FTCDNL1: variants seen among roughly 807,000 people sequenced by gnomAD.
FTCDNL1 encodes the protein formiminotransferase cyclodeaminase N-terminal like.
Under a neutral mutation model 5.9 loss-of-function variants are expected in FTCDNL1, and 11 were observed. That is an observed-to-expected ratio of 1.87 (90% confidence interval 1.18 to 3.10). The LOEUF (loss-of-function observed/expected upper bound fraction) is 3.10, where lower values mean the gene tolerates loss of function less well. Among genes scored for constraint, FTCDNL1 ranks in the 30% most tolerant of loss-of-function variants. The pLI, the probability that FTCDNL1 is intolerant of heterozygous loss-of-function variation, is 0.00. For missense variants in FTCDNL1, 115 were observed against 65.5 expected (o/e 1.76, Z -2.61); for synonymous variants, 58 against 24.8 (o/e 2.34, Z -3.99).
the FTCDNL1 span, among the ~76,000 whole-genome samples, chr2:199,684,311 G>A: frequency 1.3e-5 from 2 of 152,174 alleles, no homozygotes; most frequent in Non-Finnish European, 2.9e-5. Context: ...AGTAAGTTGA[G>A]GATGGAGCTG....
intron 3 of FTCDNL1, among the ~76,000 whole-genome samples, chr2:199,826,002 C>T (rs1463544047): frequency 1.3e-5 from 2 of 151,140 alleles, no homozygotes; most frequent in Non-Finnish European, 3.0e-5. Context: ...CTTAGTGTAA[C>T]TCACATTTGG....
chr2:199,800,283 A>G (rs1700378254), intron 3 of FTCDNL1, among the ~76,000 whole-genome samples: 1 of 152,208 alleles, frequency 6.6e-6, no homozygotes, highest in Admixed American at 6.5e-5. Flanking sequence ...CAAGGAAGTT[A>G]CTTAACTTCT....
At chr2:199,735,919 A>C in the FTCDNL1 span, among the ~76,000 whole-genome samples, 1 of 152,226 alleles carries the variant, frequency 6.6e-6, no homozygotes, top group Non-Finnish European at 1.5e-5. Flanking sequence ...ACGACAGCGG[A>C]CAAATCTATC....
At chr2:199,728,387 T>C in the FTCDNL1 span, among the ~76,000 whole-genome samples, 1 of 151,950 alleles carries the variant, frequency 6.6e-6, no homozygotes, top group Non-Finnish European at 1.5e-5. Flanking sequence ...GCTGGGACTA[T>C]AGGCTCCCGC....
intron 3 of FTCDNL1, among the ~76,000 whole-genome samples, chr2:199,840,558 T>A (rs548344502): frequency 6.6e-6 from 1 of 152,044 alleles, no homozygotes; most frequent in Non-Finnish European, 1.5e-5. Context: ...AGTCAATAGA[T>A]AATGCCTAAA....
At chr2:199,844,603 G>T (rs961626119) in intron 3 of FTCDNL1, 5 of 434,672 alleles carry the variant, frequency 1.2e-5, no homozygotes, top group Non-Finnish European at 2.1e-5. Flanking sequence ...CTATGATTTT[G>T]TTGGTCCCCT....
Position 199,767,566 on chromosome 2 carries a change from G to T in FTCDNL1, c.212-6731C>A, listed in dbSNP as rs546546877. On this transcript the variant is annotated intron_variant, in intron 3 of 3. Transcript: ENST00000416668. ...CAAGGTGATGGTATTAAGAGGTAGG[G>T]ACTTCAGGAGGTGATTAGGCCATGG... Among the ~76,000 whole-genome samples, 281 of 152,302 alleles carry T rather than the reference G, an allele frequency of 1.8e-3. 1 individual carries two copies. The highest frequency in any genetic ancestry group is 6.4e-3 in the African/African-American group (268 of 41,554).
downstream of FTCDNL1, among the ~76,000 whole-genome samples, chr2:199,757,777 A>C (rs1698122527): frequency 6.6e-6 from 1 of 152,182 alleles, no homozygotes; most frequent in Non-Finnish European, 1.5e-5. Context: ...ATTGGCAAAA[A>C]CTAACTGTCC....
At chr2:199,688,241 AAAAATT>A in the FTCDNL1 span, among the ~76,000 whole-genome samples, 1 of 151,138 alleles carries the variant, frequency 6.6e-6, no homozygotes, top group African/African-American at 2.4e-5. Context: ...AAAAAAAAAA[AAAAATT>A]AGAATTAGAA....
chr2:199,708,393 GT>G, the FTCDNL1 span, among the ~76,000 whole-genome samples: 2 of 152,012 alleles, frequency 1.3e-5, no homozygotes, highest in Admixed American at 6.6e-5. Flanking sequence ...TCTATTGACA[GT>G]TTTTTGTCCT....
intron 4 of FTCDNL1, among the ~76,000 whole-genome samples, chr2:199,813,912 CA>C (rs397987315): frequency 1.2e-3 from 129 of 106,324 alleles, no homozygotes; most frequent in African/African-American, 3.5e-3. Context: ...GACTCTGTCT[CA>C]AAAAAAAAAA....
chr2:199,678,513 C>T, the FTCDNL1 span, among the ~76,000 whole-genome samples: 2,621 of 151,832 alleles, frequency 0.017, 58 homozygotes, highest in East Asian at 0.055. Context: ...TTTTTAAGTA[C>T]GTGGACACAG....
Position 199,810,774 on chromosome 2 carries a change from G to T in FTCDNL1, c.*1931C>A, listed in dbSNP as rs1700990837. ...GCAAAGTTAAGCAGGGATTGATGAG[G>T]AATAAAGGACTGACCTCATCTTCAG... On this transcript the variant is annotated 3_prime_UTR_variant, in exon 5 of 5. Transcript: ENST00000420128. 6.6e-6 allele frequency among the ~76,000 whole-genome samples: 1 copy of T among 152,298 alleles called. No individual in the cohort carries two copies. Among genetic ancestry groups the T allele is most frequent in the Non-Finnish European group, 1.5e-5 (1 of 68,010 alleles).
chr2:199,675,609 GACT>G, the FTCDNL1 span, among the ~76,000 whole-genome samples: 1 of 152,030 alleles, frequency 6.6e-6, no homozygotes. Flanking sequence ...CTGGTATAAT[GACT>G]CCATCGTCCT....
intron 3 of FTCDNL1, among the ~76,000 whole-genome samples, chr2:199,779,236 T>G (rs1329565904): frequency 1.3e-5 from 2 of 152,188 alleles, no homozygotes; most frequent in Non-Finnish European, 2.9e-5. Flanking sequence ...TCAAGTAAAA[T>G]TTTAACTAGA....
intron 3 of FTCDNL1, among the ~76,000 whole-genome samples, chr2:199,841,466 T>G (rs1252182170): frequency 6.6e-6 from 1 of 151,970 alleles, no homozygotes; most frequent in African/African-American, 2.4e-5. Context: ...AAATATAGAC[T>G]AGATCTACAT....
chr2:199,794,007 A>G (rs778618429), intron 3 of FTCDNL1, among the ~76,000 whole-genome samples: 2 of 152,198 alleles, frequency 1.3e-5, no homozygotes, highest in East Asian at 1.9e-4. Context: ...TCACTTTTCC[A>G]TATGTTGATG....
intron 3 of FTCDNL1, among the ~76,000 whole-genome samples, chr2:199,778,715 T>A (rs987305874): frequency 1.3e-5 from 2 of 152,234 alleles, no homozygotes; most frequent in Non-Finnish European, 2.9e-5. Context: ...ATTACAGATT[T>A]TCTAATAAAT....
intron 3 of FTCDNL1, 62 bp from the exon 4 acceptor site, chr2:199,819,819 G>T (rs2106506468): frequency 1.5e-6 from 1 of 658,376 alleles, no homozygotes; most frequent in Non-Finnish European, 2.7e-6. Flanking sequence ...AAAAACCAAA[G>T]CATATAATTT....
Sources: gnomAD v4.1 joint callset for allele counts (sites outside exome capture counted in the v4.1 genomes callset) on GRCh38, gnomAD v4.1.1 for gene constraint, MANE v1.5 for transcripts, NCBI Gene and HGNC (gene_info 2026-07-23, HGNC 2026-07-21) for gene names.